The following ASAP2 variants were observed in gnomAD, a reference collection of about 807,000 sequenced individuals.
ASAP2 encodes ArfGAP with SH3 domain, ankyrin repeat and PH domain 2.
A neutral mutation model predicts 131.4 loss-of-function variants in ASAP2; 45 were observed. That is an observed-to-expected ratio of 0.34 (90% CI 0.27 to 0.44). The LOEUF is 0.44. ASAP2 is among the 20% of genes least tolerant of loss of function. The pLI, the probability that ASAP2 is intolerant of heterozygous loss-of-function variation, is 1.00. For missense variants in ASAP2, 1,011 were observed against 1,297.0 expected (o/e 0.78, Z 3.39); for synonymous variants, 510 against 503.0 (o/e 1.01, Z -0.19).
chr2:9,392,758 G>A lies in ASAP2; in HGVS notation c.2519-724G>A, dbSNP rs1210910614. Among the ~76,000 whole-genome samples, 1 of 152,158 alleles carries A rather than the reference G, an allele frequency of 6.6e-6. No individual in the cohort carries two copies. The highest frequency in any genetic ancestry group is 2.4e-5 in the African/African-American group (1 of 41,440). On this transcript the variant is annotated intron_variant, in intron 23 of 27. Transcript: ENST00000281419. The surrounding 1 kb of genome is among the most constrained non-coding windows in gnomAD (Gnocchi z 4.0). Reference sequence around the variant, plus strand: ...TCTTCCTGGCTTTTCCTGGCAGAGGGAAACCCAGCGCCTTATGTGTTACCC... The same window carrying A: ...TCTTCCTGGCTTTTCCTGGCAGAGGAAAACCCAGCGCCTTATGTGTTACCC...
chr2:9,218,530 G>A (rs1313767564), intron 1 of ASAP2, among the ~76,000 whole-genome samples: 1 of 152,206 alleles, frequency 6.6e-6, no homozygotes, highest in Non-Finnish European at 1.5e-5. Flanking sequence ...TGGGTGGAGA[G>A]GAGTCAGCTC....
At chr2:9,344,990 GTTTTT>G (rs34867294) in intron 11 of ASAP2, among the ~76,000 whole-genome samples, 190 bp downstream of exon 11, 2 of 146,452 alleles carry the variant, frequency 1.4e-5, no homozygotes, top group Non-Finnish European at 3.0e-5. Context: ...GCCTGTTTAT[GTTTTT>G]TTTTTTTTAA....
intron 18 of ASAP2, among the ~76,000 whole-genome samples, chr2:9,377,536 G>A (rs1455488163): frequency 6.6e-6 from 1 of 152,172 alleles, no homozygotes; most frequent in South Asian, 2.1e-4. Flanking sequence ...GGGAGTCCCC[G>A]TGGTTTGGGG....
rs138799468 is a variant in ASAP2, at chr2:9,301,150, C to T, written c.345+3705C>T. On this transcript the variant is annotated intron_variant, in intron 3 of 27. Transcript: ENST00000281419. ...TCCAAGCCTTGCTTTTGCTTTCCCT[C>T]GGGCATTTAAAACATTTCAGTTCTG... Among the ~76,000 whole-genome samples, 1,232 of 152,318 alleles carry T rather than the reference C, an allele frequency of 8.1e-3. 12 individuals carry two copies. The highest frequency in any genetic ancestry group is 0.012 in the Non-Finnish European group (832 of 68,036).
intron 1 of ASAP2, among the ~76,000 whole-genome samples, chr2:9,261,272 G>A (rs940125507): frequency 6.6e-5 from 10 of 152,320 alleles, no homozygotes; most frequent in South Asian, 2.1e-4. Context: ...GGAAGTGGGA[G>A]GGGGAGCACA....
rs147677605 is a variant in ASAP2, at chr2:9,325,913, T to C, written c.601-1913T>C. Among the ~76,000 whole-genome samples the C allele has an allele frequency of 4.5e-4, 68 of 152,304 alleles. No individual in the cohort carries two copies. The East Asian group carries it at 0.012, about 26-fold the overall frequency. On this transcript the variant is annotated intron_variant, in intron 6 of 27. Coordinates refer to ENST00000281419, the MANE Select transcript of ASAP2 (RefSeq NM_003887.3). ...GCATGCATAAAAGCAGAGGTGGGCT[T>C]ATCTAACAGTAAACTCACAGTTTTC...
At chr2:9,237,593 A>T (rs1421813388) in intron 1 of ASAP2, among the ~76,000 whole-genome samples, 1 of 151,092 alleles carries the variant, frequency 6.6e-6, no homozygotes, top group Non-Finnish European at 1.5e-5. Context: ...TTTTATTTTT[A>T]TTTTTTGTAG....
At position 9,322,443 on chromosome 2, in the gene ASAP2, C is replaced by G. The variant is rs542002922; in HGVS notation, c.471-678C>G. On this transcript the variant is annotated intron_variant, in intron 5 of 27. Transcript: ENST00000281419. The stretch of plus-strand genomic sequence containing the variant: ...GCCCTTTCTGTTTTTTGAGTGCTTT[C>G]TGTTGGTTTTGTTTAGTCTCCTTTT... Among the ~76,000 whole-genome samples the G allele has an allele frequency of 1.4e-4, 22 of 152,250 alleles. No homozygotes were observed. In the East Asian group the frequency reaches 3.3e-3, roughly 23 times the overall value.
intron 20 of ASAP2, 103 bp from the exon 21 acceptor site, chr2:9,385,142 G>A: frequency 1.3e-6 from 1 of 789,274 alleles, no homozygotes; most frequent in Non-Finnish European, 2.1e-6. Context: ...CCATGCATTT[G>A]CCTTGGACTA....
intron 2 of ASAP2, among the ~76,000 whole-genome samples, chr2:9,290,896 G>C (rs1667767477): frequency 6.6e-6 from 1 of 152,142 alleles, no homozygotes; most frequent in African/African-American, 2.4e-5. Flanking sequence ...GTATATAACA[G>C]CCTTGCATAT....
intron 2 of ASAP2, among the ~76,000 whole-genome samples, chr2:9,284,931 A>G (rs1667371868): frequency 6.6e-6 from 1 of 152,180 alleles, no homozygotes; most frequent in Admixed American, 6.5e-5. Flanking sequence ...GAGGCTGGAA[A>G]ACTGTGGCCA....
chr2:9,291,263 G>T (rs1397329928), intron 2 of ASAP2, among the ~76,000 whole-genome samples: 1 of 152,190 alleles, frequency 6.6e-6, no homozygotes, highest in Non-Finnish European at 1.5e-5. Context: ...GGATTATCCA[G>T]AAGAATGATA....
At chr2:9,274,524 T>C (rs1189284130) in intron 1 of ASAP2, among the ~76,000 whole-genome samples, 2 of 152,058 alleles carry the variant, frequency 1.3e-5, no homozygotes, top group African/African-American at 2.4e-5. Context: ...AGTTTTACCA[T>C]GTTGTGCAGG....
chr2:9,263,560 G>A (rs900991579), intron 1 of ASAP2, among the ~76,000 whole-genome samples: 5 of 152,170 alleles, frequency 3.3e-5, no homozygotes, highest in South Asian at 2.1e-4. Flanking sequence ...ATCTGTTTCC[G>A]TTTCTCTAAG....
At position 9,230,150 on chromosome 2, in the gene ASAP2, C is replaced by T. The variant is rs1412249475; in HGVS notation, c.126+22920C>T. Among the ~76,000 whole-genome samples the T allele has an allele frequency of 7.2e-5, 11 of 152,312 alleles. 1 individual carries two copies. Among genetic ancestry groups the T allele is most frequent in the African/African-American group, 2.6e-4 (11 of 41,550 alleles). ...GGAGTCCTGGATTTCTAGGCACTCA[C>T]AGTTTCAGAATAAACACATATGTAA... is the stretch of plus-strand genomic sequence containing the variant. On this transcript the variant is annotated intron_variant, in intron 1 of 27. Transcript: ENST00000281419.
intron 1 of ASAP2, among the ~76,000 whole-genome samples, chr2:9,225,052 G>A (rs1662666886): frequency 6.6e-6 from 1 of 152,210 alleles, no homozygotes; most frequent in South Asian, 2.1e-4. Flanking sequence ...GTTTGGTCAG[G>A]GCAGGGTCAG....
At chr2:9,308,596 T>C (rs747456061) in intron 3 of ASAP2, among the ~76,000 whole-genome samples, 3 of 152,204 alleles carry the variant, frequency 2.0e-5, no homozygotes, top group Non-Finnish European at 2.9e-5. Flanking sequence ...GATGGCAGCA[T>C]GTGCCCAGCC....
chr2:9,277,525 T>C (rs1416800182), intron 1 of ASAP2, among the ~76,000 whole-genome samples: 1 of 152,234 alleles, frequency 6.6e-6, no homozygotes, highest in African/African-American at 2.4e-5. Flanking sequence ...CTCTTTAGTA[T>C]GGCAGGAAAG....
chr2:9,401,525 C>T (rs372533245), intron 27 of ASAP2, 129 bp downstream of exon 27: 105 of 1,229,058 alleles, frequency 8.5e-5, no homozygotes, highest in African/African-American at 2.4e-4. Context: ...CTGGTGCCTC[C>T]GCCCCTTAGC....
Sources: allele counts gnomAD v4.1 joint callset (sites outside exome capture counted in the v4.1 genomes callset), GRCh38; gene constraint gnomAD v4.1.1; non-coding constraint Gnocchi (gnomAD v3.1); transcripts MANE v1.5; gene names NCBI Gene and HGNC (gene_info 2026-07-23, HGNC 2026-07-21).